The following SUGCT variants were observed in gnomAD, a reference collection of about 807,000 sequenced individuals.
SUGCT encodes the protein succinyl-CoA:glutarate CoA-transferase.
Under a neutral mutation model 55.0 loss-of-function variants are expected in SUGCT, and 41 were observed. The observed-to-expected ratio is 0.74, with a 90% CI of 0.58 to 0.97. The LOEUF is 0.97. Among genes scored for constraint, SUGCT ranks in the 50% least tolerant of loss-of-function variants. The pLI, the probability that SUGCT is intolerant of heterozygous loss-of-function variation, is 0.00. For missense variants in SUGCT, 568 were observed against 547.8 expected (o/e 1.04, Z -0.37); for synonymous variants, 187 against 200.4 (o/e 0.93, Z 0.56).
chr7:40,851,197 A>G (rs904090032), intron 13 of SUGCT, among the ~76,000 whole-genome samples: 1 of 152,142 alleles, frequency 6.6e-6, no homozygotes, highest in Non-Finnish European at 1.5e-5. Flanking sequence ...CTTCTCAAAA[A>G]CAACAGCTAT....
At position 40,803,479 on chromosome 7, in the gene SUGCT, T is replaced by TG. The variant is rs1195893910; in HGVS notation, c.1153+53983dup. Among the ~76,000 whole-genome samples the TG allele has an allele frequency of 4.6e-5, 7 of 152,318 alleles. No homozygotes were observed. In the East Asian group the frequency reaches 1.4e-3, roughly 29 times the overall value. On this transcript the variant is annotated intron_variant, in intron 13 of 13. Transcript: ENST00000335693. ...CATTTTTTTCTGACTCCAAAGCCTG[T>TG]GCCTTTAATTACCTGCCATGTGCCT...
chr7:40,208,394 T>C (rs1787123601), intron 6 of SUGCT, among the ~76,000 whole-genome samples: 1 of 152,142 alleles, frequency 6.6e-6, no homozygotes. Flanking sequence ...AAGGAAAGAA[T>C]AGTCTAAACT....
intron 12 of SUGCT, among the ~76,000 whole-genome samples, chr7:40,629,804 A>G (rs1799703603): frequency 6.6e-6 from 1 of 152,206 alleles, no homozygotes; most frequent in Non-Finnish European, 1.5e-5. Context: ...GATAAATTTT[A>G]TATTACATGT....
chr7:40,188,513 G>C lies in SUGCT; in HGVS notation c.245G>C (p.Arg82Pro), dbSNP rs200690632. 401 of 1,604,758 alleles carry C rather than the reference G, an allele frequency of 2.5e-4. 1 individual carries two copies. The highest frequency in any genetic ancestry group is 3.2e-4 in the Non-Finnish European group (380 of 1,176,770). Residue 82 changes from arginine (R) to proline (P), a missense_variant, in exon 4 of 14, where the codon CGA (arginine) becomes CCA (proline). By Grantham distance (103) the Arg-to-Pro change is moderately radical (BLOSUM62 -2). Transcript: ENST00000335693. Reference protein sequence around the residue: ...VERPGAGDDTRTWGPPFVGTE... With the variant: ...VERPGAGDDTPTWGPPFVGTE... ...TTTTCAGGAGCTGGTGATGATACAC[G>C]AACTTGGGGGCCACCTTTTGTTGGG...
chr7:40,673,666 A>G (rs1048228696), intron 12 of SUGCT, among the ~76,000 whole-genome samples: 8 of 152,216 alleles, frequency 5.3e-5, no homozygotes, highest in Non-Finnish European at 8.8e-5. Flanking sequence ...CAACATACAA[A>G]TGGAGGCTGT....
chr7:40,377,128 C>CTCTTTCTT (rs530455909), intron 9 of SUGCT, among the ~76,000 whole-genome samples: 82 of 6,322 alleles, frequency 0.013, 13 homozygotes, highest in African/African-American at 0.02. Flanking sequence ...TTCAGCCTTC[C>CTCTTTCTT]TCTTTCTTTC....
At chr7:40,643,279 T>A (rs1196671489) in intron 12 of SUGCT, among the ~76,000 whole-genome samples, 4 of 152,170 alleles carry the variant, frequency 2.6e-5, no homozygotes, top group Non-Finnish European at 5.9e-5. Context: ...TAGGACCTTG[T>A]CAAGATGAGC....
At chr7:40,986,248 A>G in the SUGCT span, among the ~76,000 whole-genome samples, 3 of 152,238 alleles carry the variant, frequency 2.0e-5, no homozygotes, top group African/African-American at 7.2e-5. Flanking sequence ...AACCCCTTTC[A>G]AACATGTATC....
chr7:40,364,502 C>T (rs1442785249), intron 9 of SUGCT, among the ~76,000 whole-genome samples: 5 of 152,140 alleles, frequency 3.3e-5, no homozygotes, highest in Non-Finnish European at 7.3e-5. Context: ...TCTTGTAGGG[C>T]AGGCCTGGTG....
chr7:40,644,730 C>T (rs530619325), intron 12 of SUGCT, among the ~76,000 whole-genome samples: 18 of 152,250 alleles, frequency 1.2e-4, no homozygotes, highest in African/African-American at 4.1e-4. Flanking sequence ...CCTCGAATTC[C>T]GTGTGCAGGA....
intron 9 of SUGCT, among the ~76,000 whole-genome samples, chr7:40,337,234 G>A (rs866767549): frequency 1.3e-5 from 2 of 152,190 alleles, no homozygotes; most frequent in Admixed American, 1.3e-4. Context: ...GCTGATTTGG[G>A]ATGGAGAGTT....
Position 40,772,442 on chromosome 7 carries a change from G to A in SUGCT, c.1153+22945G>A, listed in dbSNP as rs190637399. Among the ~76,000 whole-genome samples, 10 of 151,870 alleles carry A rather than the reference G, an allele frequency of 6.6e-5. No individual in the cohort carries two copies. In the East Asian group the frequency reaches 7.7e-4, roughly 12 times the overall value. On this transcript the variant is annotated intron_variant, in intron 13 of 13. Transcript: ENST00000335693. ...ACTATGAGATTTTCCAGCATTCATC[G>A]TGATAGACGCTAGATCTCCAGAGCA...
chr7:40,402,866 T>G (rs1786157072), intron 9 of SUGCT, among the ~76,000 whole-genome samples: 1 of 152,096 alleles, frequency 6.6e-6, no homozygotes, highest in East Asian at 1.9e-4. Context: ...ACTGCCAACT[T>G]TCTGATTTAT....
downstream of SUGCT, among the ~76,000 whole-genome samples, chr7:40,861,077 G>T (rs1794476155): frequency 1.3e-5 from 2 of 152,282 alleles, no homozygotes; most frequent in South Asian, 2.1e-4. Context: ...CCCTGTGGGG[G>T]TAAATATTTG....
chr7:40,555,079 A>G (rs1349686146), intron 12 of SUGCT, among the ~76,000 whole-genome samples: 1 of 152,258 alleles, frequency 6.6e-6, no homozygotes, highest in Admixed American at 6.5e-5. Flanking sequence ...TCTATATAGT[A>G]TTTGACATAT....
chr7:40,434,173 G>T (rs1457423014), intron 9 of SUGCT, among the ~76,000 whole-genome samples: 1 of 152,120 alleles, frequency 6.6e-6, no homozygotes, highest in East Asian at 1.9e-4. Flanking sequence ...TCTAAATTTT[G>T]TTGCAAACCT....
At chr7:40,976,473 T>G in the SUGCT span, among the ~76,000 whole-genome samples, 2 of 152,244 alleles carry the variant, frequency 1.3e-5, no homozygotes, top group African/African-American at 4.8e-5. Flanking sequence ...GATGTTGCTA[T>G]GATTTGTATC....
rs553311521 is a variant in SUGCT, at chr7:40,363,432, T to A, written c.816+46577T>A. Among the ~76,000 whole-genome samples, 33 of 152,356 alleles carry A rather than the reference T, an allele frequency of 2.2e-4. 1 individual carries two copies. In the South Asian group the frequency reaches 6.0e-3, roughly 28 times the overall value. ...GGTGTCAATTTTGGATCTTTCCTGC[T>A]TTCTCTTGTGGGCATTTAGTACTAT... On this transcript the variant is annotated intron_variant, in intron 9 of 13. Coordinates refer to ENST00000335693, the MANE Select transcript of SUGCT (RefSeq NM_001193313.2).
intron 13 of SUGCT, chr7:40,782,544 G>A (rs1480547895): frequency 6.6e-6 from 1 of 152,174 alleles, no homozygotes; most frequent in Non-Finnish European, 1.5e-5. Flanking sequence ...ATTAGCAGAA[G>A]TGTTCTTCTA....
Sources: allele counts gnomAD v4.1 joint callset (sites outside exome capture counted in the v4.1 genomes callset), GRCh38; gene constraint gnomAD v4.1.1; transcripts MANE v1.5; gene names NCBI Gene and HGNC (gene_info 2026-07-23, HGNC 2026-07-21).